The following LRP1B variants were observed in gnomAD, a reference collection of about 807,000 sequenced individuals.
The protein encoded by LRP1B is LDL receptor related protein 1B.
A neutral mutation model predicts 556.6 loss-of-function variants in LRP1B; 217 were observed. The ratio of observed to expected loss-of-function variants is 0.39; its 90% confidence interval spans 0.35 to 0.44. The LOEUF (loss-of-function observed/expected upper bound fraction) is 0.44, where lower values mean the gene tolerates loss of function less well. Ranked by LOEUF, LRP1B falls within the 20% of genes least tolerant of loss-of-function variation. LRP1B has a pLI of 1.00. For missense variants in LRP1B, 5,053 were observed against 5,620.8 expected (o/e 0.90, Z 3.23); for synonymous variants, 2,047 against 1,865.8 (o/e 1.10, Z -2.50).
intron 7 of LRP1B, among the ~76,000 whole-genome samples, chr2:141,121,478 ATGAGTGAACTCC>A (rs1348398662): frequency 1.3e-5 from 2 of 152,110 alleles, no homozygotes; most frequent in Non-Finnish European, 2.9e-5. Context: ...GAGCCAAATC[ATGAGTGAACTCC>A]CATTCACAAC....
chr2:141,590,874 C>A (rs1395450014), intron 2 of LRP1B, among the ~76,000 whole-genome samples: 1 of 152,076 alleles, frequency 6.6e-6, no homozygotes, highest in Non-Finnish European at 1.5e-5. Context: ...CCCAGCGTTA[C>A]AGAAGTCCTT....
intron 1 of LRP1B, among the ~76,000 whole-genome samples, chr2:141,919,158 A>G (rs990779619): frequency 5.3e-5 from 8 of 152,114 alleles, no homozygotes; most frequent in Admixed American, 4.6e-4. Context: ...TGGAATACTT[A>G]TATATATGTG....
At chr2:140,536,291 A>G (rs1373764425) in intron 46 of LRP1B, among the ~76,000 whole-genome samples, 1 of 140,752 alleles carries the variant, frequency 7.1e-6, no homozygotes, top group Non-Finnish European at 1.5e-5. Flanking sequence ...TCTGGGCAAC[A>G]CAATGAGACC....
intron 2 of LRP1B, among the ~76,000 whole-genome samples, chr2:141,690,396 A>AATAAATAAATAAATAAATATAT (rs5834858): frequency 1.1e-4 from 3 of 26,932 alleles, no homozygotes; most frequent in African/African-American, 3.5e-4. Context: ...TACATCTATA[A>AATAAATAAATAAATAAATATAT]ATATATATAT....
intron 41 of LRP1B, among the ~76,000 whole-genome samples, chr2:140,637,707 G>C (rs72979816): frequency 0.034 from 5,112 of 152,200 alleles, 134 homozygotes; most frequent in African/African-American, 0.071. Flanking sequence ...CTCATAAAAA[G>C]GAAGGAATGG....
intron 41 of LRP1B, among the ~76,000 whole-genome samples, chr2:140,665,568 C>T (rs1244398186): frequency 6.6e-6 from 1 of 152,040 alleles, no homozygotes; most frequent in African/African-American, 2.4e-5. Context: ...CCACTTGGGC[C>T]CATTTTCTTC....
In LRP1B at chr2:141,997,394, TATATATATATAA is replaced by T. The variant is rs1702523957; in HGVS notation, c.82+133242_82+133253del. 1.5e-5 allele frequency among the ~76,000 whole-genome samples: 2 copies of T among 135,448 alleles called. 1 individual carries two copies. 88.9% of individuals were successfully genotyped at this position (135,448 alleles called of 152,430 possible). ...TATCCAAGATGTGTGTGTGTGTACA[TATATATATATAA>T]ATGTATATATGTGTGTGTGTGTGTG... On this transcript the variant is annotated intron_variant, in intron 1 of 90. Transcript: ENST00000389484.
chr2:141,977,779 A>G (rs1701927445), intron 1 of LRP1B, among the ~76,000 whole-genome samples: 1 of 152,146 alleles, frequency 6.6e-6, no homozygotes, highest in African/African-American at 2.4e-5. Context: ...CTATAGAATG[A>G]TAGAATACTG....
intron 2 of LRP1B, among the ~76,000 whole-genome samples, chr2:141,507,055 T>A (rs887782789): frequency 7.9e-5 from 12 of 152,156 alleles, no homozygotes; most frequent in Admixed American, 7.9e-4. Context: ...TCTCAAATGG[T>A]TGTATGTTCA....
chr2:141,981,787 A>T (rs946736575), intron 1 of LRP1B, among the ~76,000 whole-genome samples: 3 of 152,108 alleles, frequency 2.0e-5, no homozygotes, highest in Non-Finnish European at 4.4e-5. Flanking sequence ...GTCCTTATAC[A>T]GAGGATATAA....
At chr2:141,375,712 G>A (rs1689403392) in intron 3 of LRP1B, among the ~76,000 whole-genome samples, 1 of 152,094 alleles carries the variant, frequency 6.6e-6, no homozygotes, top group African/African-American at 2.4e-5. Flanking sequence ...TTGCACTTTG[G>A]TCCTGGGACC....
chr2:141,354,359 A>G (rs1239299505), intron 3 of LRP1B, among the ~76,000 whole-genome samples: 1 of 152,188 alleles, frequency 6.6e-6, no homozygotes, highest in East Asian at 1.9e-4. Context: ...AATTCAGACA[A>G]TACATAAATA....
At chr2:141,304,785 G>T (rs1206092897) in intron 3 of LRP1B, among the ~76,000 whole-genome samples, 1 of 151,892 alleles carries the variant, frequency 6.6e-6, no homozygotes, top group Non-Finnish European at 1.5e-5. Flanking sequence ...ACAGGCATGA[G>T]GCACCACACC....
intron 7 of LRP1B, among the ~76,000 whole-genome samples, chr2:141,162,332 G>A (rs536635374): frequency 6.6e-6 from 1 of 152,120 alleles, no homozygotes; most frequent in Admixed American, 6.6e-5. Flanking sequence ...TGAAGGAGGG[G>A]TAACATTACC....
chr2:140,326,569 G>T (rs1216006616), intron 79 of LRP1B, among the ~76,000 whole-genome samples: 1 of 151,994 alleles, frequency 6.6e-6, no homozygotes, highest in Non-Finnish European at 1.5e-5. Context: ...ACAAAAATTA[G>T]CAGGGAGTGG....
intron 3 of LRP1B, among the ~76,000 whole-genome samples, chr2:141,478,733 C>T (rs1682807184): frequency 6.6e-6 from 1 of 151,902 alleles, no homozygotes; most frequent in East Asian, 1.9e-4. Context: ...TTAATAGAGA[C>T]AGGGTTTCAT....
At chr2:141,346,803 C>T (rs1177736305) in intron 3 of LRP1B, among the ~76,000 whole-genome samples, 1 of 152,062 alleles carries the variant, frequency 6.6e-6, no homozygotes, top group East Asian at 1.9e-4. Flanking sequence ...CTTACATTTC[C>T]TCATTATCAA....
intron 25 of LRP1B, among the ~76,000 whole-genome samples, chr2:140,873,296 A>T (rs955469623): frequency 6.6e-6 from 1 of 152,102 alleles, no homozygotes; most frequent in African/African-American, 2.4e-5. Context: ...AATAAATAAG[A>T]CATTAATATT....
At chr2:141,745,932 T>C (rs934325028) in intron 2 of LRP1B, among the ~76,000 whole-genome samples, 3 of 150,562 alleles carry the variant, frequency 2.0e-5, no homozygotes, top group African/African-American at 7.3e-5. Flanking sequence ...CTTTCCTTCA[T>C]GGCAGCAGGT....
Sources: gnomAD v4.1 joint callset for allele counts (sites outside exome capture counted in the v4.1 genomes callset) on GRCh38, gnomAD v4.1.1 for gene constraint, MANE v1.5 for transcripts, NCBI Gene and HGNC (gene_info 2026-07-23, HGNC 2026-07-21) for gene names.